The following PAM variants were observed in gnomAD, a reference collection of about 807,000 sequenced individuals.
PAM encodes peptidyl-glycine alpha-amidating monooxygenase.
A neutral mutation model predicts 122.1 loss-of-function variants in PAM; 72 were observed. That is an observed-to-expected ratio of 0.59 (90% confidence interval 0.49 to 0.72). PAM has a LOEUF of 0.72. PAM is among the 30% of genes least tolerant of loss of function. PAM has a pLI of 0.00. For synonymous variants in PAM, 389 were observed against 404.4 expected (o/e 0.96, Z 0.46); for missense variants, 1,106 against 1,183.7 (o/e 0.93, Z 0.96).
intron 1 of PAM, among the ~76,000 whole-genome samples, chr5:102,771,081 C>T (rs1053072802): frequency 1.7e-4 from 26 of 151,906 alleles, no homozygotes; most frequent in Non-Finnish European, 3.4e-4. Flanking sequence ...TTGAAGATTG[C>T]GGCTATGTAG....
intron 16 of PAM, among the ~76,000 whole-genome samples, chr5:102,999,630 A>G (rs1208878486): frequency 1.3e-5 from 2 of 152,102 alleles, no homozygotes; most frequent in African/African-American, 4.8e-5. Flanking sequence ...GCATTTCCAC[A>G]CATCTTCTGA....
At chr5:102,989,103 A>C (rs2150759600) in intron 15 of PAM, among the ~76,000 whole-genome samples, 1 of 152,286 alleles carries the variant, frequency 6.6e-6, no homozygotes, top group South Asian at 2.1e-4. Context: ...AGAAATATCA[A>C]CGCTGATACA....
At chr5:102,930,156 A>G (rs1750977950) in intron 7 of PAM, among the ~76,000 whole-genome samples, 1 of 152,216 alleles carries the variant, frequency 6.6e-6, no homozygotes, top group Non-Finnish European at 1.5e-5. Flanking sequence ...AAAACAATCA[A>G]TTGTATTAAA....
chr5:102,935,507 G>A (rs1211489926), intron 7 of PAM, among the ~76,000 whole-genome samples: 4 of 152,102 alleles, frequency 2.6e-5, no homozygotes, highest in Non-Finnish European at 4.4e-5. Context: ...TGTTAGAAAT[G>A]TTTTAGGTAA....
At position 103,016,598 on chromosome 5, in the gene PAM, TC is replaced by T. The variant is rs544605218; in HGVS notation, c.2332-735del. On this transcript the variant is annotated intron_variant, in intron 21 of 25. Coordinates refer to ENST00000438793, the MANE Select transcript of PAM (RefSeq NM_001177306.2). ...GAAAGTCACAAAAGGATCTCCCCTG[TC>T]TCTTGTGTCCTCATAATGGAGATGA... Among the ~76,000 whole-genome samples, 141 of 152,318 alleles carry T rather than the reference TC, an allele frequency of 9.3e-4. 1 individual carries two copies. Among genetic ancestry groups the T allele is most frequent in the African/African-American group, 3.3e-3 (138 of 41,580 alleles).
chr5:102,785,944 A>G (rs779333684), intron 1 of PAM, among the ~76,000 whole-genome samples: 11 of 152,320 alleles, frequency 7.2e-5, no homozygotes, highest in Non-Finnish European at 5.9e-5. Context: ...AATTGAGCCA[A>G]AGATGTTGAA....
At chr5:102,995,660 T>G (rs140393596) in intron 16 of PAM, among the ~76,000 whole-genome samples, 233 of 152,258 alleles carry the variant, frequency 1.5e-3, no homozygotes, top group African/African-American at 5.3e-3. Flanking sequence ...ATTGACTGAA[T>G]AGAATCCAGA....
chr5:102,900,256 G>C (rs199886330), intron 3 of PAM, among the ~76,000 whole-genome samples: 1 of 114,408 alleles, frequency 8.7e-6, no homozygotes, highest in Admixed American at 8.6e-5. Context: ...TGTGTGTGTG[G>C]GGGGGGGGCG....
At chr5:103,014,143 T>C (rs1333818496) in intron 21 of PAM, among the ~76,000 whole-genome samples, 1 of 152,142 alleles carries the variant, frequency 6.6e-6, no homozygotes, top group Non-Finnish European at 1.5e-5. Flanking sequence ...ATTAGTGGAG[T>C]GTTTGCCTTG....
rs75992287 is a variant in PAM at position 102,805,599 on chromosome 5, T to C, written c.-374+50251T>C. Among the ~76,000 whole-genome samples, 320 of 152,320 alleles carry C rather than the reference T, an allele frequency of 2.1e-3. 6 individuals carry two copies. The East Asian group carries it at 0.031, about 15-fold the overall frequency. On this transcript the variant is annotated intron_variant, in intron 1 of 25. Coordinates refer to ENST00000438793, the MANE Select transcript of PAM (RefSeq NM_001177306.2). ...TTCTAACCTCTGGACCTCATGCTTC[T>C]GTGGGTGTGTACTTCACAAGGTCTG...
intron 1 of PAM, among the ~76,000 whole-genome samples, chr5:102,766,018 A>T (rs1452287945): frequency 1.3e-5 from 2 of 152,064 alleles, no homozygotes; most frequent in African/African-American, 2.4e-5. Flanking sequence ...CAATACACAT[A>T]CAAGAAAGGG....
At chr5:102,932,508 A>G (rs926147724) in intron 7 of PAM, among the ~76,000 whole-genome samples, 4 of 149,902 alleles carry the variant, frequency 2.7e-5, no homozygotes, top group African/African-American at 7.3e-5. Flanking sequence ...AAATAAATGT[A>G]TATATATATG....
At chr5:102,851,488 ATTCTC>A (rs1274922266) in intron 1 of PAM, among the ~76,000 whole-genome samples, 1 of 152,170 alleles carries the variant, frequency 6.6e-6, no homozygotes, top group East Asian at 1.9e-4. Flanking sequence ...CATAAATTTT[ATTCTC>A]TTTTAGGCAA....
chr5:102,771,082 G>T (rs1318082318), intron 1 of PAM, among the ~76,000 whole-genome samples: 1 of 151,942 alleles, frequency 6.6e-6, no homozygotes, highest in Non-Finnish European at 1.5e-5. Context: ...TGAAGATTGC[G>T]GCTATGTAGA....
intron 14 of PAM, among the ~76,000 whole-genome samples, 159 bp downstream of exon 14, chr5:102,961,388 T>G (rs1762451714): frequency 6.6e-6 from 1 of 151,866 alleles, no homozygotes; most frequent in Non-Finnish European, 1.5e-5. Context: ...GAGAAAATGG[T>G]CAATTATTGC....
At chr5:102,850,810 G>T (rs1467389110) in intron 1 of PAM, among the ~76,000 whole-genome samples, 1 of 152,038 alleles carries the variant, frequency 6.6e-6, no homozygotes. Flanking sequence ...ACAACGCCCT[G>T]CAAAAAACCA....
chr5:102,796,438 T>A (rs1239174945), intron 1 of PAM, among the ~76,000 whole-genome samples: 1 of 152,162 alleles, frequency 6.6e-6, no homozygotes, highest in African/African-American at 2.4e-5. Context: ...CAGTGGAAAT[T>A]CACCTTTTAA....
At chr5:103,015,031 A>T (rs1338472015) in intron 21 of PAM, among the ~76,000 whole-genome samples, 1 of 152,228 alleles carries the variant, frequency 6.6e-6, no homozygotes, top group African/African-American at 2.4e-5. Flanking sequence ...CATTTTTCCA[A>T]CCTTCACAGT....
At chr5:102,782,562 A>C (rs1052005060) in intron 1 of PAM, among the ~76,000 whole-genome samples, 1 of 152,242 alleles carries the variant, frequency 6.6e-6, no homozygotes, top group Non-Finnish European at 1.5e-5. Flanking sequence ...CAAATCTTTC[A>C]AACATAATAT....
Sources: gnomAD v4.1 joint callset for allele counts (sites outside exome capture counted in the v4.1 genomes callset) on GRCh38, gnomAD v4.1.1 for gene constraint, MANE v1.5 for transcripts, NCBI Gene and HGNC (gene_info 2026-07-23, HGNC 2026-07-21) for gene names.